BCL6: variants seen among roughly 807,000 people sequenced by gnomAD.
BCL6 encodes B-cell lymphoma 6 protein.
BCL6 carries 7 observed loss-of-function variants against 59.5 expected under a neutral mutation model. The ratio of observed to expected loss-of-function variants is 0.12; its 90% CI spans 0.07 to 0.22. The LOEUF is 0.22. Among genes scored for constraint, BCL6 ranks in the 10% least tolerant of loss-of-function variants. The probability of loss-of-function intolerance (pLI) is 1.00; values close to 1 mark genes in which losing one functional copy is unlikely to be tolerated. For missense variants in BCL6, 685 were observed against 939.4 expected, an observed-to-expected ratio of 0.73 and a Z score of 3.54; for synonymous variants, 339 against 349.7, an observed-to-expected ratio of 0.97 and a Z score of 0.34.
At chr3:187,745,243 G>A (rs144683840) in intron 1 of BCL6, among the ~76,000 whole-genome samples, 167 bp downstream of exon 1, 13 of 151,910 alleles carry the variant, frequency 8.6e-5, no homozygotes, top group South Asian at 6.3e-4. Flanking sequence ...TATATCAATA[G>A]ATACACATAG....
Position 187,731,907 on chromosome 3 carries a change from G to A in BCL6, c.185C>T (p.Thr62Ile), listed in dbSNP as rs1719065575. ...ACTAAGGTTGCATTTCAACTGGTCTGTAAAGATGCTATAGAACAGGCCACT... is the reference window on the plus strand; with the variant it reads ...ACTAAGGTTGCATTTCAACTGGTCTATAAAGATGCTATAGAACAGGCCACT... ...ACSGLFYSIF[T>I]DQLKCNLSVI... is the part of the protein sequence containing the mutation. The change falls in exon 4 of 10, where the codon ACA becomes ATA. Residue 62 changes from threonine to isoleucine, a missense_variant. Physicochemically the swap from Thr to Ile is moderately conservative, Grantham distance 89 (BLOSUM62 -1). Transcript: ENST00000406870. 6.2e-7 allele frequency: 1 copy of A among 1,614,062 alleles called. No homozygotes were observed. Among genetic ancestry groups the A allele is most frequent in the Non-Finnish European group, 8.5e-7 (1 of 1,179,934 alleles).
At chr3:187,722,674 G>A in intron 9 of BCL6, 73 bp from the exon 10 acceptor site, 1 of 1,557,358 alleles carries the variant, frequency 6.4e-7, no homozygotes, top group Non-Finnish European at 8.7e-7. Context: ...AAGACCCAGA[G>A]AGGAAGATTC....
chr3:187,728,506 T>C lies in BCL6; in HGVS notation c.1394A>G (p.His465Arg). Residue 465 changes from histidine (H) to arginine (R), a missense_variant, in exon 6 of 10, where the codon CAC becomes CGC. His to Arg is a conservative substitution (Grantham distance 29, BLOSUM62 0). Transcript: ENST00000406870. ...CGGGGGGTGCATGTAGAGTGGTGAGTGGCTCTCGCTGCTGCTGCGGGGAGA... is the reference window on the plus strand; with the variant it reads ...CGGGGGGTGCATGTAGAGTGGTGAGCGGCTCTCGCTGCTGCTGCGGGGAGA... ...TGSPRSSSES[H>R]SPLYMHPPKC... 1 of 1,610,242 alleles carries C rather than the reference T, an allele frequency of 6.2e-7. No individual in the cohort carries two copies. Among genetic ancestry groups the C allele is most frequent in the Non-Finnish European group, 8.5e-7 (1 of 1,179,270 alleles).
At position 187,721,877 on chromosome 3, in the gene BCL6, T is replaced by C. The variant is rs1718431828; in HGVS notation, c.*581A>G. 4.6e-6 allele frequency: 1 copy of C among 215,914 alleles called. No homozygotes were observed. Among genetic ancestry groups the C allele is most frequent in the Admixed American group, 5.9e-5 (1 of 17,074 alleles). The allele number at this position is 215,914 out of a possible 1,614,324, so 13.4% of individuals were successfully genotyped here. On this transcript the variant is annotated 3_prime_UTR_variant, in exon 10 of 10. Transcript: ENST00000406870. The surrounding 1 kb of genome is among the most constrained non-coding windows in gnomAD (Gnocchi z 4.2). ...CTCAATAAAGATTCTCAGATCCGTG[T>C]CTGCCTGCAGATACAAAATCGAGCC...
intron 1 of BCL6, among the ~76,000 whole-genome samples, chr3:187,744,883 C>G (rs935253985): frequency 3.3e-5 from 5 of 152,172 alleles, no homozygotes; most frequent in South Asian, 2.1e-4. Flanking sequence ...AGATCACAAG[C>G]CGTACGCAAG....
rs774878142 is a variant in BCL6 at position 187,722,456 on chromosome 3, C to T, written c.*2G>A. On this transcript the variant is annotated 3_prime_UTR_variant, in exon 10 of 10. Transcript: ENST00000406870. ...GAGACGAAAGCATCAACACTCCATG[C>T]TTCAGCAGGCTTTGGGGAGCTCCGG... 21 of 1,611,940 alleles carry T rather than the reference C, an allele frequency of 1.3e-5. No homozygotes were observed. Among genetic ancestry groups the T allele is most frequent in the Non-Finnish European group, 1.8e-5 (21 of 1,179,440 alleles).
At chr3:187,745,128 A>T (rs533974382) in intron 1 of BCL6, among the ~76,000 whole-genome samples, 4 of 152,238 alleles carry the variant, frequency 2.6e-5, no homozygotes, top group Middle Eastern at 3.4e-3. Flanking sequence ...AACAATAATA[A>T]TAATAAATAC....
At chr3:187,734,407 G>A (rs142060044) in intron 2 of BCL6, 2,444 of 152,728 alleles carry the variant, frequency 0.016, 28 homozygotes, top group South Asian at 0.038. Context: ...CTTTAAGCAG[G>A]TTGTTTACTG....
intron 1 of BCL6, among the ~76,000 whole-genome samples, chr3:187,742,985 A>G (rs138252190): frequency 0.014 from 2,085 of 151,778 alleles, 44 homozygotes; most frequent in African/African-American, 0.047. Context: ...AGTGAGCAAA[A>G]TAGATACCTG....
At chr3:187,739,182 C>G (rs1224703085) in intron 1 of BCL6, among the ~76,000 whole-genome samples, 1 of 152,156 alleles carries the variant, frequency 6.6e-6, no homozygotes, top group Non-Finnish European at 1.5e-5. Context: ...CTCCAATAAC[C>G]CGCTGAAAAA....
chr3:187,724,747 A>G (rs1718586569), intron 9 of BCL6, 194 bp downstream of exon 9: 2 of 740,898 alleles, frequency 2.7e-6, no homozygotes, highest in Non-Finnish European at 4.3e-6. Flanking sequence ...GGCCAAGGTC[A>G]AGCAGGGTGT....
chr3:187,729,316 T>A lies in BCL6; in HGVS notation c.1089A>T (p.Pro363=), dbSNP rs752349093. 9.3e-6 allele frequency: 15 copies of A among 1,614,070 alleles called. No homozygotes were observed. Among genetic ancestry groups the A allele is most frequent in the Non-Finnish European group, 1.3e-5 (15 of 1,180,012 alleles). Residue 363 remains proline (P), a synonymous_variant, in exon 5 of 10, where the codon CCA becomes CCT. Coordinates refer to ENST00000406870, the MANE Select transcript of BCL6 (RefSeq NM_001706.5). The surrounding 1 kb of genome is among the most constrained non-coding windows in gnomAD (Gnocchi z 5.6). ...ACILQASGSP[P]AKSPTDPKAC... ...CTTTGGGGTCAGTGGGGCTCTTGGCTGGAGGGGAGCCAGAAGCCTGGAGGA... is the reference window on the plus strand; with the variant it reads ...CTTTGGGGTCAGTGGGGCTCTTGGCAGGAGGGGAGCCAGAAGCCTGGAGGA...
chr3:187,744,732 A>T (rs1711813290), intron 1 of BCL6, among the ~76,000 whole-genome samples: 4 of 152,148 alleles, frequency 2.6e-5, no homozygotes, highest in South Asian at 2.1e-4. Context: ...TCCCGGAGTT[A>T]CCCAGAAGGA....
chr3:187,744,934 C>T (rs80031434), intron 1 of BCL6, among the ~76,000 whole-genome samples: 2 of 152,226 alleles, frequency 1.3e-5, no homozygotes, highest in Admixed American at 6.5e-5. Context: ...GCGTCCTCTC[C>T]GCGGTCTGGG....
chr3:187,721,873 C>T lies in BCL6; in HGVS notation c.*585G>A, dbSNP rs530131454. On this transcript the variant is annotated 3_prime_UTR_variant, in exon 10 of 10. Transcript: ENST00000406870. This position sits in a 1 kb window ranked among gnomAD's most constrained non-coding sequence, Gnocchi z 4.2. Reference sequence around the variant, plus strand: ...CTTTCTCAATAAAGATTCTCAGATCCGTGTCTGCCTGCAGATACAAAATCG... The same window carrying T: ...CTTTCTCAATAAAGATTCTCAGATCTGTGTCTGCCTGCAGATACAAAATCG... The T allele has an allele frequency of 1.9e-5, 4 of 215,728 alleles. No individual in the cohort carries two copies. Among genetic ancestry groups the T allele is most frequent in the South Asian group, 1.9e-4 (1 of 5,358 alleles). The allele number at this position is 215,728 out of a possible 1,614,324, so 13.4% of individuals were successfully genotyped here.
At chr3:187,740,098 C>T (rs925829274) in intron 1 of BCL6, among the ~76,000 whole-genome samples, 30 of 152,312 alleles carry the variant, frequency 2.0e-4, no homozygotes, top group Non-Finnish European at 2.5e-4. Flanking sequence ...GCAGAGCGCG[C>T]CTGCTGCCGC....
In BCL6 at chr3:187,729,853, C is replaced by T. The variant is rs745379609; in HGVS notation, c.552G>A (p.Leu184=). ...CTGGCGGTGTGGACAGGCCACTGTA[C>T]AGGCTGGGGGCAAAGGCTCTGCTCT... is the stretch of plus-strand genomic sequence containing the variant. ...GCESRAFAPS[L]YSGLSTPPAS... The change falls in exon 5 of 10, where the codon CTG becomes CTA. Residue 184 remains leucine (L), a synonymous_variant. Coordinates refer to ENST00000406870, the MANE Select transcript of BCL6 (RefSeq NM_001706.5). The surrounding 1 kb of genome is among the most constrained non-coding windows in gnomAD (Gnocchi z 5.6). 6.2e-7 allele frequency: 1 copy of T among 1,614,016 alleles called. No homozygotes were observed. The highest frequency in any genetic ancestry group is 8.5e-7 in the Non-Finnish European group (1 of 1,179,972).
At chr3:187,724,369 GCCCTAGAACATTCCAATCCCAGTGAA>G (rs1560146505) in intron 9 of BCL6, among the ~76,000 whole-genome samples, 1 of 152,060 alleles carries the variant, frequency 6.6e-6, no homozygotes, top group Non-Finnish European at 1.5e-5. Context: ...CCGAGACCCC[GCCCTAGAACATTCCAATCCCAGTGAA>G]CCTATCCACA....
intron 1 of BCL6, among the ~76,000 whole-genome samples, chr3:187,738,295 C>T (rs1394029179): frequency 1.3e-5 from 2 of 152,152 alleles, no homozygotes; most frequent in African/African-American, 4.8e-5. Flanking sequence ...AGCGAGACTT[C>T]AAGGTCAAAA....
Sources: gnomAD v4.1 joint callset for allele counts (sites outside exome capture counted in the v4.1 genomes callset) on GRCh38, gnomAD v4.1.1 for gene constraint, Gnocchi (gnomAD v3.1) non-coding constraint, MANE v1.5 for transcripts, NCBI Gene and HGNC (gene_info 2026-07-23, HGNC 2026-07-21) for gene names.